The following MAGI1 variants were observed in gnomAD, a reference collection of about 807,000 sequenced individuals.
MAGI1 encodes membrane-associated guanylate kinase, WW and PDZ domain-containing protein 1.
A neutral mutation model predicts 139.9 loss-of-function variants in MAGI1; 58 were observed. The ratio of observed to expected loss-of-function variants is 0.41; its 90% CI spans 0.34 to 0.52. MAGI1 has a LOEUF of 0.52. Ranked by LOEUF, MAGI1 falls within the 20% of genes least tolerant of loss-of-function variation. The pLI, the probability that MAGI1 is intolerant of heterozygous loss-of-function variation, is 0.12. For synonymous variants in MAGI1, 812 were observed against 737.9 expected (o/e 1.10, Z -1.63); for missense variants, 1,874 against 1,901.6 (o/e 0.99, Z 0.27).
chr3:65,780,024 G>A (rs535186021), intron 1 of MAGI1, among the ~76,000 whole-genome samples: 1 of 143,302 alleles, frequency 7.0e-6, no homozygotes, highest in African/African-American at 2.5e-5. Flanking sequence ...CAATTTTTTG[G>A]GGGGGGAAGG....
At chr3:65,781,674 C>T (rs1176283135) in intron 1 of MAGI1, among the ~76,000 whole-genome samples, 1 of 152,332 alleles carries the variant, frequency 6.6e-6, no homozygotes, top group Non-Finnish European at 1.5e-5. Flanking sequence ...ATTCAGTTTT[C>T]ATCTCATGGC....
At chr3:65,359,851 C>T (rs187862377) in intron 22 of MAGI1, 54 of 985,456 alleles carry the variant, frequency 5.5e-5, no homozygotes, top group South Asian at 1.4e-4. Context: ...AGGTTACTGA[C>T]GATGACTCTC....
chr3:65,614,299 G>C (rs1006195505), intron 2 of MAGI1, among the ~76,000 whole-genome samples: 3 of 152,152 alleles, frequency 2.0e-5, no homozygotes, highest in African/African-American at 7.2e-5. Flanking sequence ...ACGCCATTGT[G>C]CTAAAGTAAA....
intron 7 of MAGI1, among the ~76,000 whole-genome samples, chr3:65,443,447 G>C (rs147268848): frequency 6.6e-6 from 1 of 152,308 alleles, no homozygotes; most frequent in African/African-American, 2.4e-5. Flanking sequence ...ATCCCTAAGA[G>C]CTCACTATCT....
At chr3:65,986,000 G>C (rs1182463568) in intron 1 of MAGI1, among the ~76,000 whole-genome samples, 1 of 152,228 alleles carries the variant, frequency 6.6e-6, no homozygotes, top group Non-Finnish European at 1.5e-5. Context: ...CTAGTTGATA[G>C]ATTCTCTGCC....
chr3:65,603,496 T>C (rs2082577002), intron 2 of MAGI1, among the ~76,000 whole-genome samples: 1 of 152,218 alleles, frequency 6.6e-6, no homozygotes, highest in Non-Finnish European at 1.5e-5. Context: ...GAAACATGCA[T>C]TAAATTTTCT....
At chr3:65,671,339 T>C (rs1488272355) in intron 1 of MAGI1, among the ~76,000 whole-genome samples, 4 of 152,156 alleles carry the variant, frequency 2.6e-5, no homozygotes, top group African/African-American at 9.7e-5. Flanking sequence ...CTGTAGGATG[T>C]GCAGCAGTAT....
chr3:65,385,703 C>A (rs2106935215), intron 14 of MAGI1, among the ~76,000 whole-genome samples: 1 of 152,284 alleles, frequency 6.6e-6, no homozygotes, highest in Non-Finnish European at 1.5e-5. Flanking sequence ...TAAATGGGTG[C>A]TTTCTATCCA....
chr3:65,795,786 C>T (rs572803359), intron 1 of MAGI1, among the ~76,000 whole-genome samples: 1 of 151,462 alleles, frequency 6.6e-6, no homozygotes, highest in Non-Finnish European at 1.5e-5. Flanking sequence ...TGTGATGGCT[C>T]ATGTCTGTAA....
chr3:65,499,246 C>T lies in MAGI1; in HGVS notation c.431-5615G>A, dbSNP rs1010837908. 2.0e-5 allele frequency among the ~76,000 whole-genome samples: 3 copies of T among 152,162 alleles called. No individual in the cohort carries two copies. The East Asian group carries it at 5.8e-4, about 29-fold the overall frequency. On this transcript the variant is annotated intron_variant, in intron 2 of 22. Transcript: ENST00000402939. ...AAAAAAGACCAAAACAAAAGCAGCC[C>T]TCCAAGACACAGAAAAAATGAGTGT...
At chr3:65,667,674 T>A (rs1057493130) in intron 1 of MAGI1, among the ~76,000 whole-genome samples, 1 of 152,168 alleles carries the variant, frequency 6.6e-6, no homozygotes, top group African/African-American at 2.4e-5. Flanking sequence ...TGGGCTCAAG[T>A]GATCCTCCCT....
intron 1 of MAGI1, among the ~76,000 whole-genome samples, chr3:65,964,440 A>C (rs146286263): frequency 3.1e-3 from 476 of 151,974 alleles, no homozygotes; most frequent in African/African-American, 0.011. Context: ...AGAGAAGAAC[A>C]CTTCATAGAA....
intron 2 of MAGI1, among the ~76,000 whole-genome samples, chr3:65,605,960 T>G (rs2082719615): frequency 6.6e-6 from 1 of 152,174 alleles, no homozygotes; most frequent in Admixed American, 6.5e-5. Context: ...CCCTCCTCCT[T>G]TGCATCCATT....
intron 1 of MAGI1, chr3:65,718,492 C>T (rs2032564587): frequency 6.6e-6 from 1 of 152,174 alleles, no homozygotes; most frequent in Non-Finnish European, 1.5e-5. Context: ...TTCCAATCTA[C>T]TTCTATCACA....
chr3:65,790,787 T>C (rs571660674), intron 1 of MAGI1, among the ~76,000 whole-genome samples: 14 of 152,312 alleles, frequency 9.2e-5, no homozygotes, highest in South Asian at 8.3e-4. Context: ...ACAACGAAGA[T>C]TGTGCAGGCT....
At chr3:66,020,856 A>G (rs1308680168) in intron 1 of MAGI1, among the ~76,000 whole-genome samples, 2 of 152,216 alleles carry the variant, frequency 1.3e-5, no homozygotes, top group Non-Finnish European at 2.9e-5. Flanking sequence ...AGCAGTCAAC[A>G]GGAGAAAACA....
chr3:65,573,020 T>G, intron 2 of MAGI1, among the ~76,000 whole-genome samples: 1 of 152,132 alleles, frequency 6.6e-6, no homozygotes, highest in East Asian at 1.9e-4. Context: ...AAAAATGTTA[T>G]ACAGATATGA....
At chr3:65,504,876 T>C (rs2077219090) in intron 2 of MAGI1, among the ~76,000 whole-genome samples, 1 of 152,146 alleles carries the variant, frequency 6.6e-6, no homozygotes, top group Non-Finnish European at 1.5e-5. Flanking sequence ...CTTTGGCACA[T>C]ACAAACTCAT....
At chr3:66,030,782 A>G (rs529424668) in intron 1 of MAGI1, among the ~76,000 whole-genome samples, 6 of 152,328 alleles carry the variant, frequency 3.9e-5, no homozygotes, top group African/African-American at 7.2e-5. Flanking sequence ...TTTCACTCAG[A>G]TACAGAGACT....
Sources: gnomAD v4.1 joint callset for allele counts (sites outside exome capture counted in the v4.1 genomes callset) on GRCh38, gnomAD v4.1.1 for gene constraint, MANE v1.5 for transcripts, NCBI Gene and HGNC (gene_info 2026-07-23, HGNC 2026-07-21) for gene names.